Variants in LNP1 observed in about 807,000 individuals in gnomAD.
The protein encoded by LNP1 is leukemia NUP98 fusion partner 1.
LNP1 carries 12 observed loss-of-function variants against 14.5 expected under a neutral mutation model. The ratio of observed to expected loss-of-function variants is 0.83; its 90% CI spans 0.53 to 1.34. The LOEUF is 1.34. Among genes scored for constraint, LNP1 ranks in the 40% most tolerant of loss-of-function variants. The pLI is 0.00. For synonymous variants in LNP1, 75 were observed against 71.4 expected (o/e 1.05, Z -0.26); for missense variants, 198 against 210.9 (o/e 0.94, Z 0.38).
At chr3:100,432,030 A>T (rs1319787528) in intron 2 of LNP1, among the ~76,000 whole-genome samples, 2 of 62,454 alleles carry the variant, frequency 3.2e-5, no homozygotes, top group African/African-American at 7.4e-5. Context: ...ATATATATAT[A>T]TATATATATA....
chr3:100,414,506 C>T (rs1188741022), intron 1 of LNP1, among the ~76,000 whole-genome samples: 11 of 151,680 alleles, frequency 7.3e-5, no homozygotes, highest in Middle Eastern at 3.4e-3. Flanking sequence ...GAGATCGCAC[C>T]GCTGCACTCC....
intron 2 of LNP1, among the ~76,000 whole-genome samples, chr3:100,431,375 C>T (rs1707240441): frequency 2.0e-5 from 3 of 152,154 alleles, no homozygotes. Context: ...AAACTGTGTC[C>T]TTATGACATC....
intron 2 of LNP1, among the ~76,000 whole-genome samples, chr3:100,441,181 G>A (rs1559845571): frequency 6.6e-6 from 1 of 152,338 alleles, no homozygotes; most frequent in East Asian, 1.9e-4. Context: ...AGGGAAAGCA[G>A]GAAGGTGCGG....
Position 100,451,918 on chromosome 3 carries a change from T to C in LNP1, c.356T>C (p.Leu119Pro), listed in dbSNP as rs779750466. 1 of 1,613,844 alleles carries C rather than the reference T, an allele frequency of 6.2e-7. No homozygotes were observed. The highest frequency in any genetic ancestry group is 8.5e-7 in the Non-Finnish European group (1 of 1,179,910). ...EKFSESFERQ[L>P]CFRTKRSASL... ...TTTTCAGAGTCCTTTGAACGGCAAC[T>C]GTGCTTTAGAACCAAGCGTTCTGCC... Residue 119 changes from leucine to proline, a missense_variant, in exon 3 of 4, where the codon CTG becomes CCG. By Grantham distance (98) the Leu-to-Pro change is moderately conservative. Transcript: ENST00000383693.
intron 1 of LNP1, among the ~76,000 whole-genome samples, chr3:100,425,571 T>A (rs1480314091): frequency 6.6e-6 from 1 of 152,206 alleles, no homozygotes. Flanking sequence ...GGTTTTTTTC[T>A]TCTTTGCTAT....
chr3:100,430,119 TTAAC>T (rs1309278615), intron 2 of LNP1, among the ~76,000 whole-genome samples: 1 of 152,208 alleles, frequency 6.6e-6, no homozygotes, highest in Admixed American at 6.5e-5. Context: ...TGAGATATCT[TTAAC>T]TACTCTTCAG....
intron 2 of LNP1, among the ~76,000 whole-genome samples, chr3:100,447,421 G>C (rs1242157480): frequency 6.6e-6 from 1 of 152,042 alleles, no homozygotes; most frequent in East Asian, 1.9e-4. Context: ...GACACAGTGG[G>C]GGGAACATCA....
At chr3:100,417,136 C>T (rs769455753) in intron 1 of LNP1, among the ~76,000 whole-genome samples, 1 of 151,880 alleles carries the variant, frequency 6.6e-6, no homozygotes, top group African/African-American at 2.4e-5. Context: ...ATATATTTTC[C>T]TTGGCCATAA....
At position 100,456,001 on chromosome 3, in the gene LNP1, G is replaced by A; in HGVS notation, c.*75G>A. 6.7e-7 allele frequency: 1 copy of A among 1,490,930 alleles called. No homozygotes were observed. The highest frequency in any genetic ancestry group is 9.1e-7 in the Non-Finnish European group (1 of 1,101,634). 92.4% of individuals were successfully genotyped at this position (1,490,930 alleles called of 1,614,324 possible). ...CTTTGAGCCCCAATTCACCATTTCA[G>A]GATGTGGATGGGGGCGGGGTTGGGG... On this transcript the variant is annotated 3_prime_UTR_variant, in exon 4 of 4. Transcript: ENST00000383693.
intron 2 of LNP1, among the ~76,000 whole-genome samples, chr3:100,432,996 A>G (rs1000454284): frequency 1.3e-5 from 2 of 152,172 alleles, no homozygotes; most frequent in African/African-American, 4.8e-5. Flanking sequence ...ACTTGCCCAC[A>G]TGATATACTT....
chr3:100,421,028 G>C (rs1000622918), intron 1 of LNP1, among the ~76,000 whole-genome samples: 3 of 151,798 alleles, frequency 2.0e-5, no homozygotes, highest in African/African-American at 7.3e-5. Context: ...TCCCAGGCTG[G>C]AGTGCAGTGG....
At chr3:100,407,417 T>C (rs1251207008) in intron 1 of LNP1, among the ~76,000 whole-genome samples, 1 of 152,214 alleles carries the variant, frequency 6.6e-6, no homozygotes, top group Non-Finnish European at 1.5e-5. Context: ...ATCATACCAC[T>C]CTTCCCTGGC....
intron 1 of LNP1, among the ~76,000 whole-genome samples, chr3:100,406,883 G>C (rs1706973043): frequency 6.6e-6 from 1 of 152,110 alleles, no homozygotes; most frequent in African/African-American, 2.4e-5. Flanking sequence ...AAAAAACATA[G>C]ATATTACAGG....
chr3:100,411,172 A>G (rs1284827178), intron 1 of LNP1, among the ~76,000 whole-genome samples: 1 of 152,192 alleles, frequency 6.6e-6, no homozygotes, highest in Non-Finnish European at 1.5e-5. Context: ...ACTTGTTACA[A>G]AAGCCATCAC....
chr3:100,435,354 C>T (rs1576233188), intron 2 of LNP1, among the ~76,000 whole-genome samples: 2 of 152,308 alleles, frequency 1.3e-5, no homozygotes, highest in Admixed American at 1.3e-4. Context: ...TCTGAGCAAG[C>T]TGCTTGAGCT....
intron 1 of LNP1, among the ~76,000 whole-genome samples, chr3:100,404,643 C>T (rs1227466904): frequency 6.6e-6 from 1 of 152,146 alleles, no homozygotes; most frequent in African/African-American, 2.4e-5. Context: ...CAGATAATCA[C>T]TGTCTATATA....
At chr3:100,425,587 A>G (rs1162251481) in intron 1 of LNP1, among the ~76,000 whole-genome samples, 1 of 152,196 alleles carries the variant, frequency 6.6e-6, no homozygotes, top group Non-Finnish European at 1.5e-5. Flanking sequence ...GCTATTATGC[A>G]ATAGTGTGAT....
rs1706906929 is a variant in LNP1 at position 100,401,673 on chromosome 3, A to G, written c.-800A>G. 6.6e-6 allele frequency: 1 copy of G among 152,348 alleles called. No homozygotes were observed. The highest frequency in any genetic ancestry group is 2.0e-4 in the South Asian group (1 of 4,880). 9.4% of individuals were successfully genotyped at this position (152,348 alleles called of 1,614,324 possible). A position where few individuals can be genotyped will look rare whatever the true frequency, so the allele number is the denominator to read the frequency against. On this transcript the variant is annotated 5_prime_UTR_variant, in exon 1 of 4. Coordinates refer to ENST00000383693, the MANE Select transcript of LNP1 (RefSeq NM_001085451.2). ...GTGTGAGGAAAGAGCTCACCGCTGA[A>G]GAAGGCTGCTGCATCACTGAACTTC...
At chr3:100,426,584 A>G (rs1356078877) in intron 1 of LNP1, among the ~76,000 whole-genome samples, 1 of 152,242 alleles carries the variant, frequency 6.6e-6, no homozygotes, top group Admixed American at 6.5e-5. Flanking sequence ...AGGGTCAGAC[A>G]GACACCTGAT....
Sources: allele counts gnomAD v4.1 joint callset (sites outside exome capture counted in the v4.1 genomes callset), GRCh38; gene constraint gnomAD v4.1.1; transcripts MANE v1.5; gene names NCBI Gene and HGNC (gene_info 2026-07-23, HGNC 2026-07-21).